FGB: variants seen among roughly 807,000 people sequenced by gnomAD.
The protein encoded by FGB is fibrinogen beta chain, also known as beta-fibrinogen.
FGB carries 25 observed loss-of-function variants against 57.9 expected under a neutral mutation model. That is an observed-to-expected ratio of 0.43 (90% confidence interval 0.31 to 0.60). FGB has a LOEUF of 0.60. Ranked by LOEUF, FGB falls within the 20% of genes least tolerant of loss-of-function variation. FGB has a pLI of 0.08. For synonymous variants in FGB, 203 were observed against 199.2 expected (o/e 1.02, Z -0.16); for missense variants, 536 against 598.4 (o/e 0.90, Z 1.09).
chr4:154,570,738 C>A lies in FGB; in HGVS notation c.*88C>A. On this transcript the variant is annotated 3_prime_UTR_variant, in exon 8 of 8. Transcript: ENST00000302068. The stretch of plus-strand genomic sequence containing the variant: ...GAATTTTCTTTCATACATTATATTC[C>A]TCTAAAACTCTCAAGCAGACGTGAG... 1.0e-6 allele frequency: 1 copy of A among 973,298 alleles called. No homozygotes were observed. The highest frequency in any genetic ancestry group is 1.6e-6 in the Non-Finnish European group (1 of 614,198). 60.3% of individuals were successfully genotyped at this position (973,298 alleles called of 1,614,324 possible).
chr4:154,565,603 A>C lies in FGB; in HGVS notation c.115-205A>C, dbSNP rs1448860616. On this transcript the variant is annotated intron_variant, in intron 1 of 7. Transcript: ENST00000302068. ...CTCTCTTTAAAAACTACACTGCATC[A>C]TAGCTTTTTTGTGCAGTTGGTCTTT... The C allele has an allele frequency of 1.9e-5, 11 of 592,128 alleles. No homozygotes were observed. The Admixed American group carries it at 3.3e-4, about 18-fold the overall frequency. The allele number at this position is 592,128 out of a possible 1,614,324, so 36.7% of individuals were successfully genotyped here. A position where few individuals can be genotyped will look rare whatever the true frequency, so the allele number is the denominator to read the frequency against.
rs1211117184 is a variant in FGB, at chr4:154,567,306, T to C, written c.491-287T>C. ...GATGGAAGACCCCAATACTGCTTTC[T>C]CCTCTTTTCCCTCACCAAAGAAATA... On this transcript the variant is annotated intron_variant, in intron 3 of 7. Coordinates refer to ENST00000302068, the MANE Select transcript of FGB (RefSeq NM_005141.5). Among the ~76,000 whole-genome samples, 4 of 152,262 alleles carry C rather than the reference T, an allele frequency of 2.6e-5. No individual in the cohort carries two copies. In the East Asian group the frequency reaches 7.7e-4, roughly 29 times the overall value.
rs756060132 is a variant in FGB, at chr4:154,570,540, A to G, written c.1366A>G (p.Met456Val). The G allele has an allele frequency of 1.2e-6, 2 of 1,614,152 alleles. No homozygotes were observed. The highest frequency in any genetic ancestry group is 4.5e-5 in the East Asian group (2 of 44,874). The part of the protein sequence containing the change: ...YYWGGQYTWD[M>V]AKHGTDDGVV... ...CTGGGGTGGACAGTACACCTGGGACATGGCAAAGCATGGCACAGATGATGG... is the reference window on the plus strand; with the variant it reads ...CTGGGGTGGACAGTACACCTGGGACGTGGCAAAGCATGGCACAGATGATGG... The change falls in exon 8 of 8, where the codon ATG becomes GTG. Residue 456 changes from methionine (M) to valine (V), a missense_variant. Around this residue, in one of 3 missense-constraint regions of FGB, gnomAD observed 177 missense variants for 193.7 expected, o/e 0.91. Transcript: ENST00000302068.
At chr4:154,565,410 G>T (rs1730113755) in intron 1 of FGB, 1 of 279,216 alleles carries the variant, frequency 3.6e-6, no homozygotes, top group South Asian at 3.8e-5. Flanking sequence ...AAAAATGAAA[G>T]TAGGGAAATG....
At chr4:154,569,398 G>A (rs1730314790) in intron 6 of FGB, 91 bp downstream of exon 6, 1 of 1,591,220 alleles carries the variant, frequency 6.3e-7, no homozygotes, top group South Asian at 1.1e-5. Flanking sequence ...CCTGTTTTAG[G>A]CAGTTAAGAG....
intron 5 of FGB, 59 bp from the exon 6 acceptor site, chr4:154,569,123 C>A (rs901417773): frequency 8.3e-5 from 131 of 1,585,722 alleles, no homozygotes; most frequent in Non-Finnish European, 1.1e-4. Context: ...ATATTATTTT[C>A]AAAGTGACAT....
intron 4 of FGB, 104 bp from the exon 5 acceptor site, chr4:154,568,277 A>G (rs747441197): frequency 1.2e-5 from 9 of 754,044 alleles, no homozygotes; most frequent in Non-Finnish European, 2.2e-5. Flanking sequence ...CTATAATAAC[A>G]CACTCCTTAG....
Position 154,569,318 on chromosome 4 carries a change from G to A in FGB, c.958+11G>A. The A allele has an allele frequency of 6.2e-7, 1 of 1,613,884 alleles. No homozygotes were observed. The highest frequency in any genetic ancestry group is 1.1e-5 in the South Asian group (1 of 91,072). On this transcript the variant is annotated intron_variant, in intron 6 of 7. Transcript: ENST00000302068. ...ACTGTGGCCTACCAGGTAACGAACA[G>A]GCATGCAAAATAAAATCATTCTATT...
chr4:154,570,612 A>G lies in FGB; in HGVS notation c.1438A>G (p.Met480Val). ...WKGSWYSMRK[M>V]SMKIRPFFPQ... is the part of the protein sequence containing the mutation. ...GGGGTCATGGTACTCAATGAGGAAGATGAGTATGAAGATCAGGCCCTTCTT... is the reference window on the plus strand; with the variant it reads ...GGGGTCATGGTACTCAATGAGGAAGGTGAGTATGAAGATCAGGCCCTTCTT... Residue 480 changes from methionine (M) to valine (V), a missense_variant, in exon 8 of 8, where the codon ATG becomes GTG. Physicochemically the swap from Met to Val is conservative, Grantham distance 21 (BLOSUM62 1). Around this residue, in one of 3 missense-constraint regions of FGB, gnomAD observed 177 missense variants for 193.7 expected, o/e 0.91. Transcript: ENST00000302068. The G allele has an allele frequency of 6.2e-7, 1 of 1,614,094 alleles. No individual in the cohort carries two copies. The highest frequency in any genetic ancestry group is 8.5e-7 in the Non-Finnish European group (1 of 1,179,968).
At chr4:154,567,859 A>G in intron 4 of FGB, 39 bp downstream of exon 4, 1 of 1,406,140 alleles carries the variant, frequency 7.1e-7, no homozygotes, top group South Asian at 1.1e-5. Flanking sequence ...GAGTTCCAGA[A>G]GAACTCACAC....
intron 3 of FGB, 129 bp downstream of exon 3, chr4:154,566,801 G>C (rs1730181578): frequency 3.5e-6 from 3 of 867,322 alleles, no homozygotes; most frequent in Non-Finnish European, 5.7e-6. Flanking sequence ...ACGCTTTTGG[G>C]CACCTTCCCC....
rs1298670127 is a variant in FGB, at chr4:154,569,288, G to T, written c.939G>T (p.Lys313Asn). The T allele has an allele frequency of 1.2e-6, 2 of 1,613,974 alleles. No individual in the cohort carries two copies. Among genetic ancestry groups the T allele is most frequent in the Non-Finnish European group, 1.7e-6 (2 of 1,180,004 alleles). ...FGNVATNTDG[K>N]NYCGLPGEYW... ...ATGTTGCAACCAACACAGATGGGAA[G>T]AATTACTGTGGCCTACCAGGTAACG... Residue 313 changes from lysine (K) to asparagine (N), a missense_variant, in exon 6 of 8, where the codon AAG becomes AAT. Coordinates refer to ENST00000302068, the MANE Select transcript of FGB (RefSeq NM_005141.5).
Position 154,565,975 on chromosome 4 carries a change from C to T in FGB, c.282C>T (p.Gly94=), listed in dbSNP as rs773398230. 2 of 1,613,636 alleles carry T rather than the reference C, an allele frequency of 1.2e-6. No individual in the cohort carries two copies. The highest frequency in any genetic ancestry group is 2.2e-5 in the South Asian group (2 of 91,062). ...KVERKAPDAG[G]CLHADPDLGV... Reference sequence around the variant, plus strand: ...AAAGAAAAGCCCCTGATGCTGGAGGCTGTCTTCACGCTGACCCAGACCTGG... The same window carrying T: ...AAAGAAAAGCCCCTGATGCTGGAGGTTGTCTTCACGCTGACCCAGACCTGG... The change falls in exon 2 of 8, where the codon GGC becomes GGT. Residue 94 remains glycine (G), a synonymous_variant. Coordinates refer to ENST00000302068, the MANE Select transcript of FGB (RefSeq NM_005141.5).
chr4:154,564,159 G>T (rs1191141486), intron 1 of FGB, among the ~76,000 whole-genome samples: 1 of 151,990 alleles, frequency 6.6e-6, no homozygotes, highest in African/African-American at 2.4e-5. Flanking sequence ...TCACATTTCT[G>T]CTTATCAACT....
rs766560796 is a variant in FGB, at chr4:154,570,632, C to T, written c.1458C>T (p.Pro486=). 5.0e-6 allele frequency: 8 copies of T among 1,613,714 alleles called. No individual in the cohort carries two copies. The highest frequency in any genetic ancestry group is 2.2e-5 in the East Asian group (1 of 44,868). ...GGAAGATGAGTATGAAGATCAGGCC[C>T]TTCTTCCCACAGCAATAGTCCCCAA... ...SMRKMSMKIR[P]FFPQQ The change falls in exon 8 of 8, where the codon CCC becomes CCT. Residue 486 remains proline, a synonymous_variant. Coordinates refer to ENST00000302068, the MANE Select transcript of FGB (RefSeq NM_005141.5).
rs767891657 is a variant in FGB at position 154,563,028 on chromosome 4, A to T, written c.10A>T (p.Met4Leu). The change falls in exon 1 of 8, where the codon ATG (methionine) becomes TTG (leucine). Residue 4 changes from methionine (M) to leucine (L), a missense_variant. This residue lies in a region of FGB where 354 missense variants were observed against 383.4 expected (regional missense o/e 0.92). Transcript: ENST00000302068. ...TCTCAGTTAAGTCTACATGAAAAGG[A>T]TGGTTTCTTGGAGCTTCCACAAACT... MKR[M>L]VSWSFHKLKT... 269 of 1,531,574 alleles carry T rather than the reference A, an allele frequency of 1.8e-4. No individual in the cohort carries two copies. The highest frequency in any genetic ancestry group is 2.3e-4 in the Non-Finnish European group (261 of 1,122,168). The allele number at this position is 1,531,574 out of a possible 1,614,324, so 94.9% of individuals were successfully genotyped here.
At chr4:154,565,774 A>T (rs1315265672) in intron 1 of FGB, 34 bp from the exon 2 acceptor site, 1 of 1,596,438 alleles carries the variant, frequency 6.3e-7, no homozygotes, top group Admixed American at 1.7e-5. Flanking sequence ...CTTCTATAAC[A>T]CTCTGTATTA....
At position 154,563,091 on chromosome 4, in the gene FGB, GT is replaced by G; in HGVS notation, c.78del (p.Leu27Ter). ...ACATCTATTATTGCTACTATTGTGT[GT>G]TTTTCTAGTTAAGTCCCAAGGTGTC... ...MKHLLLLLLCVFLVKSQGVND... is the reference protein window; with the variant it reads ...MKHLLLLLLCXFLVKSQGVND... On this transcript the variant is annotated frameshift_variant, in exon 1 of 8. Coordinates refer to ENST00000302068, the MANE Select transcript of FGB (RefSeq NM_005141.5). LOFTEE classifies it high-confidence loss of function. The G allele has an allele frequency of 6.4e-7, 1 of 1,571,592 alleles. No homozygotes were observed. The highest frequency in any genetic ancestry group is 8.7e-7 in the Non-Finnish European group (1 of 1,155,084).
At chr4:154,570,048 A>T (rs151095363) in intron 7 of FGB, among the ~76,000 whole-genome samples, 3 of 152,324 alleles carry the variant, frequency 2.0e-5, no homozygotes, top group East Asian at 3.9e-4. Context: ...ATAAAACTAG[A>T]ATTTGAGCAC....
Sources: allele counts gnomAD v4.1 joint callset (sites outside exome capture counted in the v4.1 genomes callset), GRCh38; gene constraint gnomAD v4.1.1; regional missense constraint gnomAD v4.1.1; transcripts MANE v1.5; gene names NCBI Gene and HGNC (gene_info 2026-07-23, HGNC 2026-07-21).